The following TPSD1 variants were observed in gnomAD, a reference collection of about 807,000 sequenced individuals.
The protein encoded by TPSD1 is tryptase delta 1.
Under a neutral mutation model 25.4 loss-of-function variants are expected in TPSD1, and 30 were observed. The observed-to-expected ratio is 1.18, with a 90% confidence interval of 0.88 to 1.60. TPSD1 has a LOEUF of 1.60. TPSD1 is among the 40% of genes most tolerant of loss of function. The pLI is 0.00. For synonymous variants in TPSD1, 176 were observed against 149.4 expected, an observed-to-expected ratio of 1.18 and a Z score of -1.30; for missense variants, 420 against 324.2, an observed-to-expected ratio of 1.30 and a Z score of -2.27.
At chr16:1,257,428 C>T in intron 3 of TPSD1, 1 of 329,336 alleles carries the variant, frequency 3.0e-6, no homozygotes, top group Non-Finnish European at 5.6e-6. Flanking sequence ...GACCTGCCTG[C>T]CCTCCATCCC....
Position 1,258,312 on chromosome 16 carries a change from C to G in TPSD1, c.685-20C>G, listed in dbSNP as rs1246945075. On this transcript the variant is annotated intron_variant, in intron 4 of 4. Transcript: ENST00000211076. ...ACCCCCGAAGCCTGGCCAGCGAGCA[C>G]TGACCTCTGACCTTCCCAGGGTGAC... The G allele has an allele frequency of 6.2e-6, 10 of 1,613,084 alleles. No individual in the cohort carries two copies. The highest frequency in any genetic ancestry group is 5.0e-5 in the Admixed American group (3 of 59,990).
chr16:1,258,206 A>C lies in TPSD1; in HGVS notation c.668A>C (p.Asn223Thr), dbSNP rs1270037390. 6.2e-7 allele frequency: 1 copy of C among 1,611,430 alleles called. No homozygotes were observed. Among genetic ancestry groups the C allele is most frequent in the South Asian group, 1.1e-5 (1 of 91,076 alleles). The change falls in exon 4 of 5, where the codon AAT becomes ACT. Residue 223 changes from asparagine to threonine, a missense_variant. Transcript: ENST00000211076. ...RDDMLCAGSE[N>T]HDSCQGDSGG... ...GACATGCTGTGTGCGGGGAGCGAAAATCACGACTCCTGCCAGGTGGGCCCT... is the reference window on the plus strand; with the variant it reads ...GACATGCTGTGTGCGGGGAGCGAAACTCACGACTCCTGCCAGGTGGGCCCT...
Position 1,258,351 on chromosome 16 carries a change from T to G in TPSD1, c.704T>G (p.Leu235Arg), listed in dbSNP as rs1297153808. The change falls in exon 5 of 5, where the codon CTG (leucine) becomes CGG (arginine). Residue 235 changes from leucine (L) to arginine (R), a missense_variant. Physicochemically the swap from Leu to Arg is moderately radical, Grantham distance 102 (BLOSUM62 -2). Transcript: ENST00000211076. ...TCCCAGGGTGACTCTGGAGGGCCCC[T>G]GGTCTGCAAGGTGAATGGCACCTAA... ...DSCQGDSGGPLVCKVNGT is the reference protein window; with the variant it reads ...DSCQGDSGGPRVCKVNGT 6.2e-7 allele frequency: 1 copy of G among 1,606,772 alleles called. No homozygotes were observed. The highest frequency in any genetic ancestry group is 1.7e-5 in the Admixed American group (1 of 59,686).
rs756767625 is a variant in TPSD1, at chr16:1,256,563, G to GC, written c.135dup (p.Arg46GlnfsTer128). The GC allele has an allele frequency of 1.1e-4, 172 of 1,611,746 alleles. No homozygotes were observed. The highest frequency in any genetic ancestry group is 3.7e-4 in the Middle Eastern group (2 of 5,398). ...AACGGGCATTGTTGGGGGGCAGGAGGCCCCCAGGAGCAAGTGGCCCTGGCA... is the reference window on the plus strand; with the variant it reads ...AACGGGCATTGTTGGGGGGCAGGAGGCCCCCCAGGAGCAAGTGGCCCTGGCA... On this transcript the variant is annotated frameshift_variant, in exon 2 of 5. Transcript: ENST00000211076. LOFTEE classifies it high-confidence loss of function.
Position 1,256,897 on chromosome 16 carries a change from C to G in TPSD1, c.355C>G (p.Gln119Glu). Reference sequence around the variant, plus strand: ...GGTCAGCAGGATCATCGTGCACCCACAGTTCTACATCATCCAGACCGGGGC... The same window carrying G: ...GGTCAGCAGGATCATCGTGCACCCAGAGTTCTACATCATCCAGACCGGGGC... ...LPVSRIIVHP[Q>E]FYIIQTGADI... is the part of the protein sequence containing the mutation. Residue 119 changes from glutamine to glutamate, a missense_variant, in exon 3 of 5, where the codon CAG (glutamine) becomes GAG (glutamate). Coordinates refer to ENST00000211076, the MANE Select transcript of TPSD1 (RefSeq NM_012217.3). The G allele has an allele frequency of 3.1e-6, 5 of 1,613,924 alleles. No individual in the cohort carries two copies. Among genetic ancestry groups the G allele is most frequent in the South Asian group, 2.2e-5 (2 of 91,066 alleles).
intron 3 of TPSD1, 73 bp downstream of exon 3, chr16:1,257,135 G>C: frequency 6.6e-7 from 1 of 1,505,518 alleles, no homozygotes; most frequent in Non-Finnish European, 8.9e-7. Flanking sequence ...TCCGTGGGGT[G>C]ACAGGGTCCC....
Position 1,258,043 on chromosome 16 carries a change from C to A in TPSD1, c.521-16C>A. 1 of 1,562,852 alleles carries A rather than the reference C, an allele frequency of 6.4e-7. No individual in the cohort carries two copies. Among genetic ancestry groups the A allele is most frequent in the South Asian group, 1.2e-5 (1 of 85,414 alleles). On this transcript the variant is annotated splice_polypyrimidine_tract_variant and intron_variant, in intron 3 of 4. Transcript: ENST00000211076. Reference sequence around the variant, plus strand: ...GCCGGCCCCAGACCCGGCTCCACGCCCCCCTCCGCCCCCAGTGCACCTGCC... The same window carrying A: ...GCCGGCCCCAGACCCGGCTCCACGCACCCCTCCGCCCCCAGTGCACCTGCC...
chr16:1,258,391 G>T lies in TPSD1; in HGVS notation c.*15G>T. ...ATGGCACCTAACTGCAGGCGGGCGT[G>T]GTCAGCTGGGAGGAGAGCTGTGCCC... is the stretch of plus-strand genomic sequence containing the variant. On this transcript the variant is annotated 3_prime_UTR_variant, in exon 5 of 5. Coordinates refer to ENST00000211076, the MANE Select transcript of TPSD1 (RefSeq NM_012217.3). 1.9e-6 allele frequency: 3 copies of T among 1,611,704 alleles called. No homozygotes were observed. The highest frequency in any genetic ancestry group is 2.5e-6 in the Non-Finnish European group (3 of 1,179,896).
At chr16:1,257,679 C>G (rs367858042) in intron 3 of TPSD1, among the ~76,000 whole-genome samples, 2 of 149,462 alleles carry the variant, frequency 1.3e-5, no homozygotes, top group Non-Finnish European at 2.9e-5. Flanking sequence ...CCCCACACAG[C>G]GGGGAAGCTG....
intron 3 of TPSD1, chr16:1,257,470 C>A: frequency 3.7e-6 from 1 of 271,414 alleles, no homozygotes; most frequent in Non-Finnish European, 7.0e-6. Context: ...GCCTGGGAAT[C>A]GGGGTCGTGG....
At position 1,257,611 on chromosome 16, in the gene TPSD1, C is replaced by G. The variant is rs1210559389; in HGVS notation, c.521-448C>G. 3.9e-5 allele frequency among the ~76,000 whole-genome samples: 6 copies of G among 152,344 alleles called. No homozygotes were observed. In the East Asian group the frequency reaches 1.2e-3, roughly 29 times the overall value. ...TTGGGGTACAGCCTGAGCGGCAACC[C>G]TGGGCTGTGACCTCTGGGTCACTCA... On this transcript the variant is annotated intron_variant, in intron 3 of 4. Transcript: ENST00000211076.
chr16:1,256,911 C>G lies in TPSD1; in HGVS notation c.369C>G (p.Ile123Met). 1 of 1,613,988 alleles carries G rather than the reference C, an allele frequency of 6.2e-7. No individual in the cohort carries two copies. Among genetic ancestry groups the G allele is most frequent in the South Asian group, 1.1e-5 (1 of 91,080 alleles). Residue 123 changes from isoleucine (I) to methionine (M), a missense_variant, in exon 3 of 5, where the codon ATC becomes ATG. By Grantham distance (10) the Ile-to-Met change is conservative. Coordinates refer to ENST00000211076, the MANE Select transcript of TPSD1 (RefSeq NM_012217.3). Reference protein sequence around the residue: ...RIIVHPQFYIIQTGADIALLE... With the variant: ...RIIVHPQFYIMQTGADIALLE... ...TCGTGCACCCACAGTTCTACATCAT[C>G]CAGACCGGGGCGGACATCGCCCTGC...
rs543622069 is a variant in TPSD1 at position 1,258,146 on chromosome 16, TC to T, written c.610del (p.His204IlefsTer36). The T allele has an allele frequency of 6.7e-5, 108 of 1,612,174 alleles. No homozygotes were observed. The African/African-American group carries it at 1.4e-3, about 21-fold the overall frequency. ...TGCAACGCGGAATATCACACCGGCC[TC>T]CATACGGGCCACAGCTTTCAAATCG... ...HLCNAEYHTG[L>X]HTGHSFQIVR... On this transcript the variant is annotated frameshift_variant, in exon 4 of 5. Transcript: ENST00000211076. LOFTEE classifies it high-confidence loss of function.
In TPSD1 at chr16:1,256,167, C is replaced by T. The variant is rs1479477000; in HGVS notation, c.-114C>T. 2.6e-6 allele frequency: 4 copies of T among 1,510,244 alleles called. No individual in the cohort carries two copies. Among genetic ancestry groups the T allele is most frequent in the African/African-American group, 1.4e-5 (1 of 71,750 alleles). 93.6% of individuals were successfully genotyped at this position (1,510,244 alleles called of 1,614,324 possible). ...TGGCCCAGCCTCAGACTCAGAGCAC[C>T]AAGACCCAGGCCCGCAGGCCTGGAC... On this transcript the variant is annotated 5_prime_UTR_variant, in exon 1 of 5. Coordinates refer to ENST00000211076, the MANE Select transcript of TPSD1 (RefSeq NM_012217.3).
chr16:1,256,810 C>T lies in TPSD1; in HGVS notation c.268C>T (p.Leu90=), dbSNP rs763856948. The change falls in exon 3 of 5, where the codon CTG becomes TTG. Residue 90 remains leucine, a synonymous_variant. Transcript: ENST00000211076. The part of the protein sequence containing the change: ...AHCVEPDIKD[L]AALRVQLREQ... The stretch of plus-strand genomic sequence containing the variant: ...TCCGCTGCCCAGGGACATCAAGGAT[C>T]TGGCCGCCCTCAGGGTGCAACTGCG... 5 of 1,612,372 alleles carry T rather than the reference C, an allele frequency of 3.1e-6. No individual in the cohort carries two copies. The Admixed American group carries it at 6.7e-5, about 21-fold the overall frequency.
rs769361936 is a variant in TPSD1, at chr16:1,258,225, G to A, written c.684+3G>A. Reference sequence around the variant, plus strand: ...GCGAAAATCACGACTCCTGCCAGGTGGGCCCTCGCGTCCCCCACCCCAATC... The same window carrying A: ...GCGAAAATCACGACTCCTGCCAGGTAGGCCCTCGCGTCCCCCACCCCAATC... On this transcript the variant is annotated splice_donor_region_variant and intron_variant, in intron 4 of 4. Transcript: ENST00000211076. 7.1e-5 allele frequency: 114 copies of A among 1,610,004 alleles called. No individual in the cohort carries two copies. In the South Asian group the frequency reaches 9.7e-4, roughly 14 times the overall value.
chr16:1,256,893 C>T lies in TPSD1; in HGVS notation c.351C>T (p.His117=). 1 of 1,613,888 alleles carries T rather than the reference C, an allele frequency of 6.2e-7. No homozygotes were observed. The change falls in exon 3 of 5, where the codon CAC becomes CAT. Residue 117 remains histidine, a synonymous_variant. Coordinates refer to ENST00000211076, the MANE Select transcript of TPSD1 (RefSeq NM_012217.3). ...QLLPVSRIIV[H]PQFYIIQTGA... ...TGCCGGTCAGCAGGATCATCGTGCA[C>T]CCACAGTTCTACATCATCCAGACCG... is the stretch of plus-strand genomic sequence containing the variant.
rs2031008663 is a variant in TPSD1, at chr16:1,257,872, CAGGGACCCAGGACCAGCCTCAGCGG to C, written c.521-182_521-158del. 22 of 668,834 alleles carry C rather than the reference CAGGGACCCAGGACCAGCCTCAGCGG, an allele frequency of 3.3e-5. No homozygotes were observed. In the South Asian group the frequency reaches 4.1e-4, roughly 12 times the overall value. 41.4% of individuals were successfully genotyped at this position (668,834 alleles called of 1,614,324 possible). A position where few individuals can be genotyped will look rare whatever the true frequency, so the allele number is the denominator to read the frequency against. ...TCCCCAGATGGGGCTTAAATGAGGC[CAGGGACCCAGGACCAGCCTCAGCGG>C]AGGGGCCTGGACTGCATTCACCGCC... On this transcript the variant is annotated intron_variant, in intron 3 of 4. Coordinates refer to ENST00000211076, the MANE Select transcript of TPSD1 (RefSeq NM_012217.3).
Position 1,256,918 on chromosome 16 carries a change from G to C in TPSD1, c.376G>C (p.Gly126Arg), listed in dbSNP as rs200563281. ...CCCACAGTTCTACATCATCCAGACC[G>C]GGGCGGACATCGCCCTGCTGGAGCT... is the stretch of plus-strand genomic sequence containing the variant. Reference protein sequence around the residue: ...VHPQFYIIQTGADIALLELEE... With the variant: ...VHPQFYIIQTRADIALLELEE... Residue 126 changes from glycine (G) to arginine (R), a missense_variant, in exon 3 of 5, where the codon GGG becomes CGG. Transcript: ENST00000211076. 1.5e-5 allele frequency: 24 copies of C among 1,613,210 alleles called. No homozygotes were observed. Among genetic ancestry groups the C allele is most frequent in the African/African-American group, 2.7e-5 (2 of 74,942 alleles).
Sources: gnomAD v4.1 joint callset for allele counts (sites outside exome capture counted in the v4.1 genomes callset) on GRCh38, gnomAD v4.1.1 for gene constraint, MANE v1.5 for transcripts, NCBI Gene and HGNC (gene_info 2026-07-23, HGNC 2026-07-21) for gene names.